The following GRIA4 variants were observed in gnomAD, a reference collection of about 807,000 sequenced individuals.
GRIA4 encodes the protein glutamate receptor 4.
A neutral mutation model predicts 104.0 loss-of-function variants in GRIA4; 34 were observed. That is an observed-to-expected ratio of 0.33 (90% CI 0.25 to 0.44). The LOEUF is 0.44. Ranked by LOEUF, GRIA4 falls within the 20% of genes least tolerant of loss-of-function variation. GRIA4 has a pLI of 1.00. For missense variants in GRIA4, 750 were observed against 1,096.5 expected (o/e 0.68, Z 4.46); for synonymous variants, 386 against 381.9 (o/e 1.01, Z -0.13).
In GRIA4 at chr11:105,776,718, T is replaced by C. The variant is rs977771687; in HGVS notation, c.487+23498T>C. 2.0e-5 allele frequency among the ~76,000 whole-genome samples: 3 copies of C among 152,134 alleles called. 1 individual carries two copies. The highest frequency in any genetic ancestry group is 1.3e-4 in the Admixed American group (2 of 15,252). On this transcript the variant is annotated intron_variant, in intron 4 of 16. Coordinates refer to ENST00000282499, the MANE Select transcript of GRIA4 (RefSeq NM_000829.4). ...TGGTTTGGAAAGTCCCAAAGATTAC[T>C]GCATTTAGTGTTGCATCTCTCCCCA...
chr11:105,796,666 G>C (rs1431054973), intron 4 of GRIA4, among the ~76,000 whole-genome samples: 1 of 152,110 alleles, frequency 6.6e-6, no homozygotes, highest in Non-Finnish European at 1.5e-5. Context: ...AACTAAGAAA[G>C]TAACATTAAG....
At chr11:105,899,168 G>A (rs1353741426) in intron 7 of GRIA4, among the ~76,000 whole-genome samples, 1 of 152,100 alleles carries the variant, frequency 6.6e-6, no homozygotes, top group Non-Finnish European at 1.5e-5. Flanking sequence ...AGGCTAGAGG[G>A]CCTCAGCTCT....
intron 4 of GRIA4, among the ~76,000 whole-genome samples, chr11:105,787,472 CTTTTTTTT>C (rs67901321): frequency 2.0e-5 from 2 of 98,622 alleles, no homozygotes; most frequent in Admixed American, 1.3e-4. Flanking sequence ...TAAAGAATTC[CTTTTTTTT>C]TTTTTTTTTT....
intron 3 of GRIA4, among the ~76,000 whole-genome samples, chr11:105,731,877 G>A (rs978978118): frequency 1.3e-5 from 2 of 151,970 alleles, no homozygotes; most frequent in African/African-American, 4.8e-5. Flanking sequence ...GGGCCTGTCG[G>A]GGGGTGGGGG....
intron 3 of GRIA4, among the ~76,000 whole-genome samples, chr11:105,673,829 C>A (rs1003923945): frequency 4.6e-5 from 7 of 151,688 alleles, no homozygotes; most frequent in African/African-American, 1.5e-4. Flanking sequence ...TATAAAATAT[C>A]TATTATACTT....
chr11:105,894,832 G>A lies in GRIA4; in HGVS notation c.727-3437G>A, dbSNP rs917984830. 8.4e-5 allele frequency among the ~76,000 whole-genome samples: 8 copies of A among 94,930 alleles called. No homozygotes were observed. The South Asian group carries it at 8.6e-4, about 10-fold the overall frequency. The allele number at this position is 94,930 out of a possible 152,430, so 62.3% of individuals were successfully genotyped here. A position where few individuals can be genotyped will look rare whatever the true frequency, so the allele number is the denominator to read the frequency against. On this transcript the variant is annotated intron_variant, in intron 6 of 16. Coordinates refer to ENST00000282499, the MANE Select transcript of GRIA4 (RefSeq NM_000829.4). Reference sequence around the variant, plus strand: ...TTTTGAGACGGAGTCTCGCTCTGTCGCCCAGGCTGGACTGCGGACTGCAGT... The same window carrying A: ...TTTTGAGACGGAGTCTCGCTCTGTCACCCAGGCTGGACTGCGGACTGCAGT...
chr11:105,637,397 A>T (rs74772348), intron 3 of GRIA4, among the ~76,000 whole-genome samples: 1 of 152,318 alleles, frequency 6.6e-6, no homozygotes, highest in East Asian at 1.9e-4. Context: ...GAATAGTATC[A>T]CTGGATTTAG....
intron 4 of GRIA4, among the ~76,000 whole-genome samples, chr11:105,821,476 C>T (rs528631881): frequency 3.6e-4 from 55 of 151,822 alleles, no homozygotes; most frequent in Non-Finnish European, 6.5e-4. Context: ...CTTAAGGAAG[C>T]TTATAATCAC....
At chr11:105,662,374 A>C (rs1345553320) in intron 3 of GRIA4, among the ~76,000 whole-genome samples, 5 of 151,812 alleles carry the variant, frequency 3.3e-5, no homozygotes, top group Non-Finnish European at 5.9e-5. Context: ...AAAATAACCA[A>C]GATCAGATAG....
intron 4 of GRIA4, among the ~76,000 whole-genome samples, chr11:105,766,007 A>G (rs1159349501): frequency 6.6e-6 from 1 of 152,010 alleles, no homozygotes; most frequent in Non-Finnish European, 1.5e-5. Context: ...CTCAATAAAT[A>G]TATGTAAAGT....
chr11:105,807,922 G>C (rs1405379361), intron 4 of GRIA4, among the ~76,000 whole-genome samples: 12 of 151,704 alleles, frequency 7.9e-5, no homozygotes, highest in South Asian at 6.2e-4. Flanking sequence ...AATCTGTACA[G>C]CCTGTTACCT....
At chr11:105,891,281 T>C (rs1946446067) in intron 6 of GRIA4, among the ~76,000 whole-genome samples, 1 of 152,188 alleles carries the variant, frequency 6.6e-6, no homozygotes, top group Non-Finnish European at 1.5e-5. Context: ...ACTTACTTGC[T>C]AATACGTGTC....
At chr11:105,847,799 G>A (rs1350244117) in intron 4 of GRIA4, among the ~76,000 whole-genome samples, 1 of 152,114 alleles carries the variant, frequency 6.6e-6, no homozygotes, top group African/African-American at 2.4e-5. Flanking sequence ...AGAAATATTA[G>A]ATTTGGAAAA....
At chr11:105,933,373 T>C (rs991051632) in intron 13 of GRIA4, among the ~76,000 whole-genome samples, 6 of 152,192 alleles carry the variant, frequency 3.9e-5, no homozygotes, top group East Asian at 1.9e-4. Context: ...GAATGTGATA[T>C]AAAACATGAT....
In GRIA4 at chr11:105,813,422, C is replaced by T. The variant is rs534588706; in HGVS notation, c.488-48602C>T. On this transcript the variant is annotated intron_variant, in intron 4 of 16. Coordinates refer to ENST00000282499, the MANE Select transcript of GRIA4 (RefSeq NM_000829.4). ...AATTGATGTAAAGTGAAGAAAATTTCAAGGAGGAGACTGATATACAGACAA... is the reference window on the plus strand; with the variant it reads ...AATTGATGTAAAGTGAAGAAAATTTTAAGGAGGAGACTGATATACAGACAA... Among the ~76,000 whole-genome samples, 5 of 152,176 alleles carry T rather than the reference C, an allele frequency of 3.3e-5. 1 individual carries two copies. The highest frequency in any genetic ancestry group is 1.2e-4 in the African/African-American group (5 of 41,530).
chr11:105,964,908 G>A (rs1948827212), intron 14 of GRIA4, among the ~76,000 whole-genome samples: 1 of 151,884 alleles, frequency 6.6e-6, no homozygotes, highest in Admixed American at 6.6e-5. Flanking sequence ...CCAGGTTCAA[G>A]CGATTCTCCT....
intron 4 of GRIA4, among the ~76,000 whole-genome samples, chr11:105,826,790 A>T (rs1208015585): frequency 6.6e-6 from 1 of 152,006 alleles, no homozygotes; most frequent in African/African-American, 2.4e-5. Flanking sequence ...AGTTGGGTCT[A>T]CGAACATCCA....
At chr11:105,920,922 C>T (rs564481760) in intron 11 of GRIA4, among the ~76,000 whole-genome samples, 10 of 152,052 alleles carry the variant, frequency 6.6e-5, no homozygotes, top group South Asian at 2.1e-4. Flanking sequence ...TGTTTCTCAA[C>T]GTTTTTTTGT....
intron 4 of GRIA4, among the ~76,000 whole-genome samples, chr11:105,791,067 T>C (rs780454731): frequency 2.0e-4 from 30 of 152,252 alleles, no homozygotes; most frequent in Admixed American, 3.3e-4. Flanking sequence ...TCCCTGAAAG[T>C]GCTGAGGGAG....
Sources: gnomAD v4.1 joint callset for allele counts (sites outside exome capture counted in the v4.1 genomes callset) on GRCh38, gnomAD v4.1.1 for gene constraint, MANE v1.5 for transcripts, NCBI Gene and HGNC (gene_info 2026-07-23, HGNC 2026-07-21) for gene names.